Variants in CCN1 observed in about 807,000 individuals in gnomAD.
CCN1 encodes the protein CCN family member 1.
CCN1 carries 12 observed loss-of-function variants against 38.1 expected under a neutral mutation model. The ratio of observed to expected loss-of-function variants is 0.31; its 90% confidence interval spans 0.20 to 0.51. CCN1 has a LOEUF of 0.51. Ranked by LOEUF, CCN1 falls within the 20% of genes least tolerant of loss-of-function variation. CCN1 has a pLI of 0.97. For synonymous variants in CCN1, 202 were observed against 196.1 expected (o/e 1.03, Z -0.25); for missense variants, 466 against 490.9 (o/e 0.95, Z 0.48).
chr1:85,583,073 A>C lies in CCN1; in HGVS notation c.*31A>C, dbSNP rs893567738. ...ACCTGGGTTTCCAGGGCACACCTAG[A>C]CAAACAAGGGAGAAGAGTGTCAGAA... On this transcript the variant is annotated 3_prime_UTR_variant, in exon 5 of 5. Transcript: ENST00000451137. The C allele has an allele frequency of 6.3e-7, 1 of 1,589,148 alleles. No homozygotes were observed. The highest frequency in any genetic ancestry group is 1.1e-5 in the South Asian group (1 of 88,238).
In CCN1 at chr1:85,581,318, T is replaced by A. The variant is rs1006868273; in HGVS notation, c.64-47T>A. 4.0e-6 allele frequency: 6 copies of A among 1,507,438 alleles called. No individual in the cohort carries two copies. The African/African-American group carries it at 8.3e-5, about 21-fold the overall frequency. The allele number at this position is 1,507,438 out of a possible 1,614,324, so 93.4% of individuals were successfully genotyped here. On this transcript the variant is annotated intron_variant, in intron 1 of 4. Coordinates refer to ENST00000451137, the MANE Select transcript of CCN1 (RefSeq NM_001554.5). Reference sequence around the variant, plus strand: ...CTCACTGCGGCAGCCGCGGCGCCCCTCCTGCGCACCGCGCCGAGTCTCACG... The same window carrying A: ...CTCACTGCGGCAGCCGCGGCGCCCCACCTGCGCACCGCGCCGAGTCTCACG...
In CCN1 at chr1:85,581,032, C is replaced by A. The variant is rs1369183400; in HGVS notation, c.48C>A (p.Leu16=). ...ARALALVVTL[L]HLTRLALSTC... ...CGCTCGCCTTAGTCGTCACCCTTCT[C>A]CACTTGACCAGGCTGGTGAGTTGGA... Residue 16 remains leucine, a synonymous_variant, in exon 1 of 5, where the codon CTC becomes CTA. Coordinates refer to ENST00000451137, the MANE Select transcript of CCN1 (RefSeq NM_001554.5). 6.2e-7 allele frequency: 1 copy of A among 1,611,080 alleles called. No individual in the cohort carries two copies. The highest frequency in any genetic ancestry group is 8.5e-7 in the Non-Finnish European group (1 of 1,178,948).
In CCN1 at chr1:85,581,408, C is replaced by T. The variant is rs145852662; in HGVS notation, c.107C>T (p.Ala36Val). Residue 36 changes from alanine to valine, a missense_variant, in exon 2 of 5, where the codon GCG becomes GTG. Coordinates refer to ENST00000451137, the MANE Select transcript of CCN1 (RefSeq NM_001554.5). ...GCTGCCTGCCACTGCCCCCTGGAGG[C>T]GCCCAAGTGCGCGCCGGGAGTCGGG... Reference protein sequence around the residue: ...CPAACHCPLEAPKCAPGVGLV... With the variant: ...CPAACHCPLEVPKCAPGVGLV... The T allele has an allele frequency of 1.1e-4, 180 of 1,600,804 alleles. No individual in the cohort carries two copies. In the East Asian group the frequency reaches 4.0e-3, roughly 36 times the overall value.
chr1:85,582,812 G>T lies in CCN1; in HGVS notation c.916G>T (p.Val306Leu). Residue 306 changes from valine to leucine, a missense_variant, in exon 5 of 5, where the codon GTG (valine) becomes TTG (leucine). Around this residue, in one of 3 missense-constraint regions of CCN1, gnomAD observed 309 missense variants for 319.9 expected, o/e 0.97. Coordinates refer to ENST00000451137, the MANE Select transcript of CCN1 (RefSeq NM_001554.5). ...VRFTYAGCLS[V>L]KKYRPKYCGS... ...GTTTACTTACGCTGGATGTTTGAGT[G>T]TGAAGAAATACCGGCCCAAGTACTG... 6.2e-7 allele frequency: 1 copy of T among 1,614,212 alleles called. No homozygotes were observed. Among genetic ancestry groups the T allele is most frequent in the South Asian group, 1.1e-5 (1 of 91,084 alleles).
At position 85,583,879 on chromosome 1, in the gene CCN1, A is replaced by G. The variant is rs1467329811; in HGVS notation, c.*837A>G. 1 of 152,246 alleles carries G rather than the reference A, an allele frequency of 6.6e-6. No homozygotes were observed. Among genetic ancestry groups the G allele is most frequent in the Non-Finnish European group, 1.5e-5 (1 of 68,044 alleles). The allele number at this position is 152,246 out of a possible 1,614,324, so 9.4% of individuals were successfully genotyped here. ...CTTCAGTAGAGAAAAGTCTTTGCAT[A>G]TAAAGTAATGTTTAAAAAACATGTA... On this transcript the variant is annotated 3_prime_UTR_variant, in exon 5 of 5. Coordinates refer to ENST00000451137, the MANE Select transcript of CCN1 (RefSeq NM_001554.5).
chr1:85,581,291 C>G (rs1345715601), intron 1 of CCN1, 74 bp from the exon 2 acceptor site: 1 of 1,424,378 alleles, frequency 7.0e-7, no homozygotes, highest in African/African-American at 1.4e-5. Flanking sequence ...AGACCCCCGT[C>G]CCTCACTGCG....
At position 85,583,539 on chromosome 1, in the gene CCN1, CAG is replaced by C. The variant is rs1659834048; in HGVS notation, c.*499_*500del. The C allele has an allele frequency of 1.3e-5, 2 of 154,192 alleles. No homozygotes were observed. Among genetic ancestry groups the C allele is most frequent in the Admixed American group, 6.5e-5 (1 of 15,448 alleles). The allele number at this position is 154,192 out of a possible 1,614,324, so 9.6% of individuals were successfully genotyped here. The stretch of plus-strand genomic sequence containing the variant: ...AGCTATCTGCACTCTAAACTGCAAA[CAG>C]AAATCAGGTGTTTTAAGACTGAATG... On this transcript the variant is annotated 3_prime_UTR_variant, in exon 5 of 5. Coordinates refer to ENST00000451137, the MANE Select transcript of CCN1 (RefSeq NM_001554.5).
Position 85,582,849 on chromosome 1 carries a change from T to C in CCN1, c.953T>C (p.Val318Ala). 1 of 1,614,196 alleles carries C rather than the reference T, an allele frequency of 6.2e-7. No individual in the cohort carries two copies. The highest frequency in any genetic ancestry group is 8.5e-7 in the Non-Finnish European group (1 of 1,180,046). The change falls in exon 5 of 5, where the codon GTG becomes GCG. Residue 318 changes from valine to alanine, a missense_variant. Physicochemically the swap from Val to Ala is moderately conservative, Grantham distance 64. Coordinates refer to ENST00000451137, the MANE Select transcript of CCN1 (RefSeq NM_001554.5). ...CGGCCCAAGTACTGCGGTTCCTGCG[T>C]GGACGGCCGATGCTGCACGCCCCAG... ...KYRPKYCGSCVDGRCCTPQLT... is the reference protein window; with the variant it reads ...KYRPKYCGSCADGRCCTPQLT...
Position 85,582,064 on chromosome 1 carries a change from A to G in CCN1, c.414A>G (p.Leu138=). The G allele has an allele frequency of 2.5e-6, 4 of 1,614,066 alleles. No individual in the cohort carries two copies. The highest frequency in any genetic ancestry group is 3.4e-6 in the Non-Finnish European group (4 of 1,180,006). The change falls in exon 3 of 5, where the codon CTA becomes CTG. Residue 138 remains leucine (L), a synonymous_variant. Coordinates refer to ENST00000451137, the MANE Select transcript of CCN1 (RefSeq NM_001554.5). ...GCATTCCTCTGTGTCCCCAAGAACT[A>G]TCTCTCCCCAACTTGGGCTGTCCCA... ...VGCIPLCPQE[L]SLPNLGCPNP...
Position 85,582,933 on chromosome 1 carries a change from A to G in CCN1, c.1037A>G (p.Asn346Ser). The G allele has an allele frequency of 1.2e-6, 2 of 1,614,154 alleles. No homozygotes were observed. The highest frequency in any genetic ancestry group is 1.7e-6 in the Non-Finnish European group (2 of 1,180,034). Residue 346 changes from asparagine (N) to serine (S), a missense_variant, in exon 5 of 5, where the codon AAC becomes AGC. By Grantham distance (46) the Asn-to-Ser change is conservative. Around this residue, in one of 3 missense-constraint regions of CCN1, gnomAD observed 309 missense variants for 319.9 expected, o/e 0.97. Coordinates refer to ENST00000451137, the MANE Select transcript of CCN1 (RefSeq NM_001554.5). Reference sequence around the variant, plus strand: ...GAAGATGGGGAGACATTTTCCAAGAACGTCATGATGATCCAGTCCTGCAAA... The same window carrying G: ...GAAGATGGGGAGACATTTTCCAAGAGCGTCATGATGATCCAGTCCTGCAAA... ...RCEDGETFSKNVMMIQSCKCN... is the reference protein window; with the variant it reads ...RCEDGETFSKSVMMIQSCKCN...
At position 85,582,291 on chromosome 1, in the gene CCN1, G is replaced by T. The variant is rs1659807297; in HGVS notation, c.634+7G>T. On this transcript the variant is annotated splice_region_variant and intron_variant, in intron 3 of 4. Transcript: ENST00000451137. ...TCACTGAAGCGGCTCCCTGGTAAGTGGAGACTGAGCACTTCAGACACTGTA... is the reference window on the plus strand; with the variant it reads ...TCACTGAAGCGGCTCCCTGGTAAGTTGAGACTGAGCACTTCAGACACTGTA... The T allele has an allele frequency of 6.2e-7, 1 of 1,614,166 alleles. No individual in the cohort carries two copies. Among genetic ancestry groups the T allele is most frequent in the Non-Finnish European group, 8.5e-7 (1 of 1,180,006 alleles).
intron 2 of CCN1, 154 bp from the exon 3 acceptor site, chr1:85,581,774 C>T (rs1659795717): frequency 3.7e-6 from 4 of 1,093,394 alleles, no homozygotes; most frequent in Non-Finnish European, 5.4e-6. Flanking sequence ...TGATTCCTGA[C>T]TAACTTATTG....
Position 85,580,802 on chromosome 1 carries a change from C to A in CCN1, c.-183C>A. On this transcript the variant is annotated 5_prime_UTR_variant, in exon 1 of 5. Transcript: ENST00000451137. ...CGCCCCCGAGCAGCGCCCGCGCCCT[C>A]CGCGCCTTCTCCGCCGGGACCTCGA... is the stretch of plus-strand genomic sequence containing the variant. The A allele has an allele frequency of 2.2e-6, 1 of 459,950 alleles. No homozygotes were observed. The highest frequency in any genetic ancestry group is 7.5e-5 in the South Asian group (1 of 13,340). The allele number at this position is 459,950 out of a possible 1,614,324, so 28.5% of individuals were successfully genotyped here. A position where few individuals can be genotyped will look rare whatever the true frequency, so the allele number is the denominator to read the frequency against.
At position 85,582,851 on chromosome 1, in the gene CCN1, G is replaced by T; in HGVS notation, c.955G>T (p.Asp319Tyr). 6.2e-7 allele frequency: 1 copy of T among 1,614,176 alleles called. No homozygotes were observed. The highest frequency in any genetic ancestry group is 8.5e-7 in the Non-Finnish European group (1 of 1,180,032). ...YRPKYCGSCV[D>Y]GRCCTPQLTR... is the part of the protein sequence containing the mutation. The stretch of plus-strand genomic sequence containing the variant: ...GCCCAAGTACTGCGGTTCCTGCGTG[G>T]ACGGCCGATGCTGCACGCCCCAGCT... Residue 319 changes from aspartate to tyrosine, a missense_variant, in exon 5 of 5, where the codon GAC becomes TAC. Transcript: ENST00000451137.
rs1570694613 is a variant in CCN1, at chr1:85,581,465, T to G, written c.164T>G (p.Val55Gly). The part of the protein sequence containing the change: ...LVRDGCGCCK[V>G]CAKQLNEDCS... ...CGGGACGGCTGCGGCTGCTGTAAGG[T>G]CTGCGCCAAGCAGCTCAACGAGGAC... The change falls in exon 2 of 5, where the codon GTC (valine) becomes GGC (glycine). Residue 55 changes from valine to glycine, a missense_variant. By Grantham distance (109) the Val-to-Gly change is moderately radical. Around this residue, in one of 3 missense-constraint regions of CCN1, gnomAD observed 146 missense variants for 141.1 expected, o/e 1.03. Coordinates refer to ENST00000451137, the MANE Select transcript of CCN1 (RefSeq NM_001554.5). 4 of 1,612,286 alleles carry G rather than the reference T, an allele frequency of 2.5e-6. No individual in the cohort carries two copies. The highest frequency in any genetic ancestry group is 3.4e-6 in the Non-Finnish European group (4 of 1,179,616).
rs1291712393 is a variant in CCN1, at chr1:85,582,235, C to A, written c.585C>A (p.Asn195Lys). ...CCTCCGAGGTGGAGTTGACGAGAAA[C>A]AATGAATTGATTGCAGTTGGAAAAG... is the stretch of plus-strand genomic sequence containing the variant. ...FDASEVELTRNNELIAVGKGS... is the reference protein window; with the variant it reads ...FDASEVELTRKNELIAVGKGS... The change falls in exon 3 of 5, where the codon AAC (asparagine) becomes AAA (lysine). Residue 195 changes from asparagine to lysine, a missense_variant. Asn to Lys is a moderately conservative substitution (Grantham distance 94). Coordinates refer to ENST00000451137, the MANE Select transcript of CCN1 (RefSeq NM_001554.5). The A allele has an allele frequency of 1.9e-6, 3 of 1,614,136 alleles. No individual in the cohort carries two copies. Among genetic ancestry groups the A allele is most frequent in the Non-Finnish European group, 2.5e-6 (3 of 1,180,020 alleles).
intron 1 of CCN1, 77 bp from the exon 2 acceptor site, chr1:85,581,288 C>A (rs558834066): frequency 4.2e-5 from 59 of 1,410,742 alleles, no homozygotes; most frequent in South Asian, 3.5e-4. Flanking sequence ...CGGAGACCCC[C>A]GTCCCTCACT....
Position 85,581,361 on chromosome 1 carries a change from C to T in CCN1, c.64-4C>T. 1 of 1,575,888 alleles carries T rather than the reference C, an allele frequency of 6.3e-7. No individual in the cohort carries two copies. Among genetic ancestry groups the T allele is most frequent in the Non-Finnish European group, 8.6e-7 (1 of 1,162,618 alleles). On this transcript the variant is annotated splice_polypyrimidine_tract_variant and splice_region_variant and intron_variant, in intron 1 of 4. Coordinates refer to ENST00000451137, the MANE Select transcript of CCN1 (RefSeq NM_001554.5). The stretch of plus-strand genomic sequence containing the variant: ...GTCTCACGCGTATCTTCTCCCCCTT[C>T]CAGGCGCTCTCCACCTGCCCCGCTG...
Position 85,582,853 on chromosome 1 carries a change from C to T in CCN1, c.957C>T (p.Asp319=), listed in dbSNP as rs773361050. The change falls in exon 5 of 5, where the codon GAC becomes GAT. Residue 319 remains aspartate, a synonymous_variant. Coordinates refer to ENST00000451137, the MANE Select transcript of CCN1 (RefSeq NM_001554.5). ...CCAAGTACTGCGGTTCCTGCGTGGA[C>T]GGCCGATGCTGCACGCCCCAGCTGA... ...YRPKYCGSCV[D]GRCCTPQLTR... The T allele has an allele frequency of 7.4e-6, 12 of 1,614,168 alleles. No homozygotes were observed. Among genetic ancestry groups the T allele is most frequent in the East Asian group, 6.7e-5 (3 of 44,890 alleles).
Sources: allele counts gnomAD v4.1 joint callset, GRCh38; gene constraint gnomAD v4.1.1; regional missense constraint gnomAD v4.1.1; transcripts MANE v1.5; gene names NCBI Gene and HGNC (gene_info 2026-07-23, HGNC 2026-07-21).